Variants in NARS1 observed in about 807,000 individuals in gnomAD.
NARS1 encodes asparagine--tRNA ligase, cytoplasmic.
A neutral mutation model predicts 79.2 loss-of-function variants in NARS1; 65 were observed. That is an observed-to-expected ratio of 0.82 (90% CI 0.67 to 1.01). The LOEUF (loss-of-function observed/expected upper bound fraction) is 1.01. Among genes scored for constraint, NARS1 ranks in the 50% least tolerant of loss-of-function variants. The pLI, the probability that NARS1 is intolerant of heterozygous loss-of-function variation, is 0.00. For synonymous variants in NARS1, 229 were observed against 238.8 expected, an observed-to-expected ratio of 0.96 and a Z score of 0.38; for missense variants, 649 against 673.8, an observed-to-expected ratio of 0.96 and a Z score of 0.41.
At chr18:57,602,311 T>C (rs766783877) in intron 13 of NARS1, 44 bp downstream of exon 13, 1 of 1,590,500 alleles carries the variant, frequency 6.3e-7, no homozygotes, top group Non-Finnish European at 8.6e-7. Context: ...TACAGAACGA[T>C]TACAGTGGAA....
chr18:57,602,520 C>G, intron 12 of NARS1, 34 bp from the exon 13 acceptor site: 1 of 1,611,392 alleles, frequency 6.2e-7, no homozygotes, highest in South Asian at 1.1e-5. Flanking sequence ...TACACAATTA[C>G]TATCAAGCGA....
At chr18:57,612,716 G>T (rs1034476497) in intron 5 of NARS1, among the ~76,000 whole-genome samples, 2 of 152,184 alleles carry the variant, frequency 1.3e-5, no homozygotes, top group Non-Finnish European at 2.9e-5. Flanking sequence ...GATTATAGGC[G>T]TGAGCCACCG....
chr18:57,619,475 C>T (rs937432644), intron 2 of NARS1, among the ~76,000 whole-genome samples: 2 of 151,978 alleles, frequency 1.3e-5, no homozygotes, highest in Non-Finnish European at 1.5e-5. Context: ...AAGCAGTCCT[C>T]CAGCCTCAGC....
chr18:57,615,603 G>T, intron 4 of NARS1, 38 bp downstream of exon 4: 1 of 1,422,894 alleles, frequency 7.0e-7, no homozygotes, highest in Non-Finnish European at 9.9e-7. Flanking sequence ...ATCTGATGTA[G>T]CCAAGTCCAC....
intron 5 of NARS1, among the ~76,000 whole-genome samples, chr18:57,612,870 T>C (rs1052381755): frequency 1.1e-4 from 16 of 152,212 alleles, no homozygotes; most frequent in African/African-American, 3.4e-4. Flanking sequence ...AATGCAAATA[T>C]ACTGTTTATA....
At position 57,611,646 on chromosome 18, in the gene NARS1, C is replaced by A; in HGVS notation, c.483G>T (p.Ala161=). 1 of 1,591,124 alleles carries A rather than the reference C, an allele frequency of 6.3e-7. No homozygotes were observed. Among genetic ancestry groups the A allele is most frequent in the Non-Finnish European group, 8.6e-7 (1 of 1,169,322 alleles). Residue 161 remains alanine, a synonymous_variant, in exon 6 of 14, where the codon GCG becomes GCT. Coordinates refer to ENST00000256854, the MANE Select transcript of NARS1 (RefSeq NM_004539.4). Reference sequence around the variant, plus strand: ...AAGAGAAAATATTTACCAACTCATCCGCCAAGACACACTGAAGATAACCTG... The same window carrying A: ...AAGAGAAAATATTTACCAACTCATCAGCCAAGACACACTGAAGATAACCTG... ...DGTGYLQCVL[A]DELCQCYNGV...
intron 2 of NARS1, among the ~76,000 whole-genome samples, chr18:57,617,588 AAAAAAAT>A (rs1380396322): frequency 1.1e-4 from 16 of 146,588 alleles, no homozygotes; most frequent in Non-Finnish European, 1.5e-4. Flanking sequence ...AAAAAAAAAA[AAAAAAAT>A]AGAGAAGGAA....
chr18:57,614,229 G>A (rs2051628450), intron 4 of NARS1, among the ~76,000 whole-genome samples: 1 of 152,164 alleles, frequency 6.6e-6, no homozygotes, highest in South Asian at 2.1e-4. Flanking sequence ...GGCTGGGCGT[G>A]GTGGCTCAAG....
intron 7 of NARS1, among the ~76,000 whole-genome samples, 167 bp downstream of exon 7, chr18:57,609,190 G>C (rs2051585165): frequency 6.6e-6 from 1 of 152,162 alleles, no homozygotes. Context: ...TTGTGATCTT[G>C]TGAGCCAATT....
In NARS1 at chr18:57,606,430, C is replaced by T. The variant is rs377276365; in HGVS notation, c.1137+186G>A. Among the ~76,000 whole-genome samples the T allele has an allele frequency of 2.1e-3, 325 of 151,176 alleles. 1 individual carries two copies. Among genetic ancestry groups the T allele is most frequent in the African/African-American group, 7.5e-3 (311 of 41,258 alleles). Reference sequence around the variant, plus strand: ...ACATTCCTAAAATGGAAAACATGAGCCTGTTATATAACTGAAAACATTATA... The same window carrying T: ...ACATTCCTAAAATGGAAAACATGAGTCTGTTATATAACTGAAAACATTATA... On this transcript the variant is annotated intron_variant, in intron 10 of 13. Coordinates refer to ENST00000256854, the MANE Select transcript of NARS1 (RefSeq NM_004539.4).
chr18:57,620,985 G>A (rs1908276393), intron 1 of NARS1, among the ~76,000 whole-genome samples: 1 of 152,094 alleles, frequency 6.6e-6, no homozygotes, highest in African/African-American at 2.4e-5. Flanking sequence ...TAAAAGGCAG[G>A]GTGACTCTGG....
At chr18:57,605,767 G>A in intron 11 of NARS1, 90 bp downstream of exon 11, 2 of 844,896 alleles carry the variant, frequency 2.4e-6, no homozygotes, top group Non-Finnish European at 3.8e-6. Context: ...AGGACAGGCA[G>A]ATGCCACCCA....
At position 57,620,529 on chromosome 18, in the gene NARS1, A is replaced by G. The variant is rs190025463; in HGVS notation, c.93+40T>C. On this transcript the variant is annotated intron_variant, in intron 2 of 13. Transcript: ENST00000256854. ...ACAAGAAAATTGACATAACTCATTA[A>G]TAAATGCAGTCTCATTTTCCTAATG... 239 of 1,342,840 alleles carry G rather than the reference A, an allele frequency of 1.8e-4. No homozygotes were observed. The African/African-American group carries it at 2.9e-3, about 16-fold the overall frequency. 83.2% of individuals were successfully genotyped at this position (1,342,840 alleles called of 1,614,324 possible). A position where few individuals can be genotyped will look rare whatever the true frequency, so the allele number is the denominator to read the frequency against.
chr18:57,606,061 T>A (rs1285736627), intron 10 of NARS1, 91 bp from the exon 11 acceptor site: 1 of 841,386 alleles, frequency 1.2e-6, no homozygotes, highest in South Asian at 1.7e-5. Context: ...TATAAAGTAT[T>A]ACTTCAGTGA....
Position 57,615,627 on chromosome 18 carries a change from A to G in NARS1, c.342+14T>C. 1 of 1,573,082 alleles carries G rather than the reference A, an allele frequency of 6.4e-7. No individual in the cohort carries two copies. The highest frequency in any genetic ancestry group is 1.1e-5 in the South Asian group (1 of 89,654). On this transcript the variant is annotated intron_variant, in intron 4 of 13. Coordinates refer to ENST00000256854, the MANE Select transcript of NARS1 (RefSeq NM_004539.4). ...AGCCAAGTCCACGGTATTTGAAAAG[A>G]TAAACAAACTTACACATTTTGGCTC...
chr18:57,601,904 G>A, intron 13 of NARS1, 121 bp from the exon 14 acceptor site: 4 of 1,036,148 alleles, frequency 3.9e-6, no homozygotes, highest in Non-Finnish European at 5.7e-6. Flanking sequence ...ATTCAACTAT[G>A]GCCAGATTCA....
chr18:57,619,364 T>A (rs1908196724), intron 2 of NARS1, among the ~76,000 whole-genome samples: 1 of 151,116 alleles, frequency 6.6e-6, no homozygotes, highest in South Asian at 2.1e-4. Context: ...CTCTATTTAT[T>A]TTTTAAATTA....
chr18:57,601,705 G>C lies in NARS1; in HGVS notation c.1594C>G (p.His532Asp). The C allele has an allele frequency of 6.2e-7, 1 of 1,613,712 alleles. No homozygotes were observed. Among genetic ancestry groups the C allele is most frequent in the Non-Finnish European group, 8.5e-7 (1 of 1,179,652 alleles). Residue 532 changes from histidine to aspartate, a missense_variant, in exon 14 of 14, where the codon CAC becomes GAC. Transcript: ENST00000256854. The stretch of plus-strand genomic sequence containing the variant: ...GGGTATAAGCACACGTCTCGGATGT[G>C]ATACCTATTCAGAATCCACGTTAAG... The part of the protein sequence containing the change: ...RFLTWILNRY[H>D]IRDVCLYPRF...
At chr18:57,620,404 T>C (rs75723953) in intron 2 of NARS1, among the ~76,000 whole-genome samples, 165 bp downstream of exon 2, 2,568 of 152,352 alleles carry the variant, frequency 0.017, 64 homozygotes, top group African/African-American at 0.051. Context: ...TTTGATCATC[T>C]AACAATCTTA....
Sources: gnomAD v4.1 joint callset for allele counts (sites outside exome capture counted in the v4.1 genomes callset) on GRCh38, gnomAD v4.1.1 for gene constraint, MANE v1.5 for transcripts, NCBI Gene and HGNC (gene_info 2026-07-23, HGNC 2026-07-21) for gene names.